Variants in CPNE5 observed in about 807,000 individuals in gnomAD.
CPNE5 encodes copine-5.
In CPNE5, 42 loss-of-function variants were observed where a neutral mutation model predicts 81.1. That is an observed-to-expected ratio of 0.52 (90% CI 0.40 to 0.67). CPNE5 has a LOEUF of 0.67. Among genes scored for constraint, CPNE5 ranks in the 30% least tolerant of loss-of-function variants. The pLI, the probability that CPNE5 is intolerant of heterozygous loss-of-function variation, is 0.00. For synonymous variants in CPNE5, 313 were observed against 321.5 expected, an observed-to-expected ratio of 0.97 and a Z score of 0.28; for missense variants, 612 against 815.5, an observed-to-expected ratio of 0.75 and a Z score of 3.04.
chr6:36,786,927 T>A (rs1016267911), intron 8 of CPNE5, among the ~76,000 whole-genome samples: 5 of 144,520 alleles, frequency 3.5e-5, no homozygotes, highest in Non-Finnish European at 7.4e-5. Flanking sequence ...GAATATGTTA[T>A]TTTTTTTTAG....
At chr6:36,834,254 C>CAAA (rs1157250827) in intron 1 of CPNE5, among the ~76,000 whole-genome samples, 3 of 21,674 alleles carry the variant, frequency 1.4e-4, no homozygotes, top group Admixed American at 7.7e-4. Flanking sequence ...GACTGTATCT[C>CAAA]AAAAAAAAAA....
chr6:36,822,109 C>A lies in CPNE5; in HGVS notation c.183+5G>T. 2 of 1,536,222 alleles carry A rather than the reference C, an allele frequency of 1.3e-6. No individual in the cohort carries two copies. Among genetic ancestry groups the A allele is most frequent in the Non-Finnish European group, 1.8e-6 (2 of 1,135,964 alleles). On this transcript the variant is annotated splice_donor_5th_base_variant and intron_variant, in intron 3 of 20. Coordinates refer to ENST00000244751, the MANE Select transcript of CPNE5 (RefSeq NM_020939.2). ...GTTTCTGGTGTGGGAAGGAGCTGCA[C>A]CTACCTCCCGCCACTGCTTGTTCTC...
intron 3 of CPNE5, among the ~76,000 whole-genome samples, chr6:36,814,307 G>A (rs1177424360): frequency 3.3e-5 from 5 of 152,142 alleles, no homozygotes; most frequent in African/African-American, 4.8e-5. Context: ...GGACCAAGAG[G>A]CATAACCAAG....
intron 10 of CPNE5, among the ~76,000 whole-genome samples, chr6:36,772,468 T>G (rs1767120931): frequency 6.6e-6 from 1 of 152,222 alleles, no homozygotes; most frequent in Non-Finnish European, 1.5e-5. Flanking sequence ...CCGTCTTTGT[T>G]CCCAGTCTTA....
At chr6:36,834,658 A>C (rs900611345) in intron 1 of CPNE5, among the ~76,000 whole-genome samples, 1 of 151,548 alleles carries the variant, frequency 6.6e-6, no homozygotes, top group Non-Finnish European at 1.5e-5. Flanking sequence ...TCCATCTCAA[A>C]AAAAAAAAAA....
chr6:36,753,164 G>A, intron 13 of CPNE5, 69 bp from the exon 14 acceptor site: 1 of 1,299,530 alleles, frequency 7.7e-7, no homozygotes, highest in East Asian at 2.3e-5. Context: ...TGATTCGAGA[G>A]CTGACATTGA....
At chr6:36,794,532 T>G in intron 7 of CPNE5, 58 bp downstream of exon 7, 2 of 1,533,506 alleles carry the variant, frequency 1.3e-6, no homozygotes, top group Non-Finnish European at 1.8e-6. Flanking sequence ...TGAGGCCCCC[T>G]TTGCAGAGCT....
rs775479649 is a variant in CPNE5 at position 36,811,869 on chromosome 6, C to T, written c.183+10245G>A. On this transcript the variant is annotated intron_variant, in intron 3 of 20. Transcript: ENST00000244751. ...CTGTAATCCCAGCACTTTGGGAGGC[C>T]GAGGTGGGCGGATCTCCTGAGCTCA... 8.3e-4 allele frequency among the ~76,000 whole-genome samples: 126 copies of T among 152,054 alleles called. 1 individual carries two copies. The highest frequency in any genetic ancestry group is 2.7e-3 in the African/African-American group (113 of 41,464).
At chr6:36,758,677 T>C (rs1231755761) in intron 12 of CPNE5, among the ~76,000 whole-genome samples, 2 of 152,058 alleles carry the variant, frequency 1.3e-5, no homozygotes, top group Non-Finnish European at 2.9e-5. Flanking sequence ...TGTCAAGAAG[T>C]GACCACGCCT....
At chr6:36,811,103 C>T (rs1374413304) in intron 3 of CPNE5, among the ~76,000 whole-genome samples, 1 of 152,210 alleles carries the variant, frequency 6.6e-6, no homozygotes, top group African/African-American at 2.4e-5. Context: ...CGACCCTTTA[C>T]CAATGAGCCT....
chr6:36,834,866 C>A (rs1237552126), intron 1 of CPNE5, among the ~76,000 whole-genome samples: 1 of 152,136 alleles, frequency 6.6e-6, no homozygotes, highest in Non-Finnish European at 1.5e-5. Context: ...AGGCTCCTCC[C>A]TCCCCCAAAC....
rs773381393 is a variant in CPNE5, at chr6:36,821,835, G to A, written c.183+279C>T. Among the ~76,000 whole-genome samples the A allele has an allele frequency of 2.3e-4, 35 of 152,256 alleles. 1 individual carries two copies. Among genetic ancestry groups the A allele is most frequent in the Admixed American group, 1.2e-3 (18 of 15,296 alleles). Reference sequence around the variant, plus strand: ...CAGCAGACAAGGTCTTAACGGGCACGGACTCCTTCTGCGTCTCCCTGGGAC... The same window carrying A: ...CAGCAGACAAGGTCTTAACGGGCACAGACTCCTTCTGCGTCTCCCTGGGAC... On this transcript the variant is annotated intron_variant, in intron 3 of 20. Transcript: ENST00000244751.
At chr6:36,803,960 A>C (rs541092819) in intron 3 of CPNE5, among the ~76,000 whole-genome samples, 7 of 152,374 alleles carry the variant, frequency 4.6e-5, no homozygotes, top group East Asian at 1.9e-4. Context: ...ATGAGAATAC[A>C]GCAGGAGGAA....
At position 36,753,017 on chromosome 6, in the gene CPNE5, G is replaced by T; in HGVS notation, c.971+17C>A. On this transcript the variant is annotated intron_variant, in intron 14 of 20. Coordinates refer to ENST00000244751, the MANE Select transcript of CPNE5 (RefSeq NM_020939.2). ...CCTCTCCCCAAGGCCCATGAAATTG[G>T]CTGTATCTCTTCTCACCCTCCTTTG... 1.2e-6 allele frequency: 2 copies of T among 1,601,644 alleles called. No individual in the cohort carries two copies. The highest frequency in any genetic ancestry group is 1.7e-6 in the Non-Finnish European group (2 of 1,169,476).
At chr6:36,743,320 T>TTCTCCAAGAATAGGC in intron 20 of CPNE5, 1 of 803,284 alleles carries the variant, frequency 1.2e-6, no homozygotes, top group Non-Finnish European at 1.5e-6. Flanking sequence ...GAGCAATGCC[T>TTCTCCAAGAATAGGC]ATTCTTGGAG....
chr6:36,765,675 G>C (rs1766497541), intron 10 of CPNE5, among the ~76,000 whole-genome samples: 1 of 152,356 alleles, frequency 6.6e-6, no homozygotes, highest in South Asian at 2.1e-4. Flanking sequence ...ACTGCAGAAG[G>C]GGCATAAGCT....
chr6:36,816,524 C>G (rs558228274), intron 3 of CPNE5, among the ~76,000 whole-genome samples: 1 of 152,298 alleles, frequency 6.6e-6, no homozygotes, highest in East Asian at 1.9e-4. Flanking sequence ...CTTGACTTCC[C>G]CTGACCACAG....
chr6:36,757,354 G>A (rs988417675), intron 12 of CPNE5: 28 of 985,164 alleles, frequency 2.8e-5, no homozygotes, highest in African/African-American at 1.4e-4. Context: ...CACAGAGGCC[G>A]TCAGCTGATC....
At position 36,774,822 on chromosome 6, in the gene CPNE5, C is replaced by T. The variant is rs1043315690; in HGVS notation, c.737+139G>A. Reference sequence around the variant, plus strand: ...ACCAAGCCCCAGCCTGTGCAGGGCACCCCCTACTGCACAACTCCAGAAGGC... The same window carrying T: ...ACCAAGCCCCAGCCTGTGCAGGGCATCCCCTACTGCACAACTCCAGAAGGC... On this transcript the variant is annotated intron_variant, in intron 10 of 20. Coordinates refer to ENST00000244751, the MANE Select transcript of CPNE5 (RefSeq NM_020939.2). 48 of 660,948 alleles carry T rather than the reference C, an allele frequency of 7.3e-5. No homozygotes were observed. The Middle Eastern group carries it at 1.5e-3, about 20-fold the overall frequency. The allele number at this position is 660,948 out of a possible 1,614,324, so 40.9% of individuals were successfully genotyped here. A position where few individuals can be genotyped will look rare whatever the true frequency, so the allele number is the denominator to read the frequency against.
Sources: allele counts gnomAD v4.1 joint callset (sites outside exome capture counted in the v4.1 genomes callset), GRCh38; gene constraint gnomAD v4.1.1; transcripts MANE v1.5; gene names NCBI Gene and HGNC (gene_info 2026-07-23, HGNC 2026-07-21).